EPHB1: variants seen among roughly 807,000 people sequenced by gnomAD.
EPHB1 encodes the protein ephrin type-B receptor 1.
In EPHB1, 30 loss-of-function variants were observed where a neutral mutation model predicts 94.4. The observed-to-expected ratio is 0.32, with a 90% CI of 0.24 to 0.43. EPHB1 has a LOEUF of 0.43. EPHB1 is among the 20% of genes least tolerant of loss of function. The pLI is 1.00. For missense variants in EPHB1, 1,055 were observed against 1,308.3 expected, an observed-to-expected ratio of 0.81 and a Z score of 2.99; for synonymous variants, 522 against 489.1, an observed-to-expected ratio of 1.07 and a Z score of -0.89.
At position 135,260,001 on chromosome 3, in the gene EPHB1, A is replaced by G. The variant is rs1933574785; in HGVS notation, c.*881A>G. 8.6e-6 allele frequency: 2 copies of G among 231,910 alleles called. No individual in the cohort carries two copies. Among genetic ancestry groups the G allele is most frequent in the Non-Finnish European group, 8.5e-6 (1 of 117,070 alleles). The allele number at this position is 231,910 out of a possible 1,614,324, so 14.4% of individuals were successfully genotyped here. ...GCTTTCTGGTTGGCCCAATCGGCCT[A>G]TTGGCTCAATGGGAAGAGAGGAGAG... On this transcript the variant is annotated 3_prime_UTR_variant, in exon 16 of 16. Coordinates refer to ENST00000398015, the MANE Select transcript of EPHB1 (RefSeq NM_004441.5).
At chr3:134,940,558 G>A (rs1449806579) in intron 2 of EPHB1, among the ~76,000 whole-genome samples, 2 of 152,152 alleles carry the variant, frequency 1.3e-5, no homozygotes, top group Non-Finnish European at 2.9e-5. Flanking sequence ...AATGGGCCAG[G>A]CACCTTCTTG....
chr3:135,209,861 C>T (rs1942992532), intron 12 of EPHB1, among the ~76,000 whole-genome samples: 1 of 152,138 alleles, frequency 6.6e-6, no homozygotes, highest in Non-Finnish European at 1.5e-5. Flanking sequence ...CAGGAAGATG[C>T]ATCAGGAGGC....
chr3:134,910,088 A>T (rs2038421292), intron 1 of EPHB1, among the ~76,000 whole-genome samples: 1 of 152,202 alleles, frequency 6.6e-6, no homozygotes, highest in South Asian at 2.1e-4. Context: ...ATGATTCCAT[A>T]AAATGTTTGC....
rs576217353 is a variant in EPHB1 at position 135,021,205 on chromosome 3, G to A, written c.805+69153G>A. Among the ~76,000 whole-genome samples, 111 of 152,116 alleles carry A rather than the reference G, an allele frequency of 7.3e-4. No homozygotes were observed. The South Asian group carries it at 0.014, about 19-fold the overall frequency. On this transcript the variant is annotated intron_variant, in intron 3 of 15. Transcript: ENST00000398015. ...TAGAATTATTTTGTCACATCTATCT[G>A]TCTTCTTTTTAACCATGCATTTTCC...
At chr3:135,116,641 A>T (rs1158055106) in intron 4 of EPHB1, among the ~76,000 whole-genome samples, 3 of 152,240 alleles carry the variant, frequency 2.0e-5, no homozygotes, top group African/African-American at 7.2e-5. Flanking sequence ...ATGACCACTG[A>T]CATTGTCCCA....
intron 3 of EPHB1, among the ~76,000 whole-genome samples, chr3:135,060,481 C>T (rs1325589275): frequency 6.6e-6 from 1 of 152,142 alleles, no homozygotes; most frequent in Non-Finnish European, 1.5e-5. Context: ...AATGCTACTA[C>T]AAGTATTTAT....
At chr3:135,235,365 A>G (rs975544697) in intron 12 of EPHB1, among the ~76,000 whole-genome samples, 1 of 152,226 alleles carries the variant, frequency 6.6e-6, no homozygotes, top group African/African-American at 2.4e-5. Flanking sequence ...TTTGTTAGGA[A>G]TGCAAATTCT....
chr3:135,026,495 C>G (rs1936177587), intron 3 of EPHB1, among the ~76,000 whole-genome samples: 1 of 149,048 alleles, frequency 6.7e-6, no homozygotes, highest in Non-Finnish European at 1.5e-5. Flanking sequence ...GCTTGTTTTT[C>G]TCAGGTTTGT....
chr3:135,131,905 G>T (rs1940431192), intron 4 of EPHB1, among the ~76,000 whole-genome samples: 1 of 152,136 alleles, frequency 6.6e-6, no homozygotes. Flanking sequence ...ACTGGCTTCA[G>T]TTCTTACAGA....
intron 2 of EPHB1, among the ~76,000 whole-genome samples, chr3:134,949,379 G>A (rs561278448): frequency 6.4e-4 from 98 of 152,178 alleles, no homozygotes; most frequent in Non-Finnish European, 4.4e-5. Context: ...TACAGACCTG[G>A]GCATGCAGGG....
At chr3:135,127,777 T>C (rs1940263448) in intron 4 of EPHB1, among the ~76,000 whole-genome samples, 1 of 152,180 alleles carries the variant, frequency 6.6e-6, no homozygotes, top group Non-Finnish European at 1.5e-5. Context: ...CAGGAGATTC[T>C]ATCTTAATAT....
chr3:135,106,930 C>G (rs556592875), intron 4 of EPHB1, among the ~76,000 whole-genome samples: 1 of 152,300 alleles, frequency 6.6e-6, no homozygotes, highest in East Asian at 1.9e-4. Context: ...TTATCACTTC[C>G]TCCAAGAAGT....
chr3:134,826,980 G>T (rs915699027), intron 1 of EPHB1, among the ~76,000 whole-genome samples: 1 of 152,190 alleles, frequency 6.6e-6, no homozygotes, highest in Non-Finnish European at 1.5e-5. Context: ...TCCCTGGGTG[G>T]CAGGGATCAT....
intron 1 of EPHB1, among the ~76,000 whole-genome samples, chr3:134,825,777 T>A (rs1560250764): frequency 6.6e-6 from 1 of 152,166 alleles, no homozygotes; most frequent in Non-Finnish European, 1.5e-5. Context: ...CCACCATGGT[T>A]TGGCTCATGG....
intron 3 of EPHB1, among the ~76,000 whole-genome samples, chr3:135,042,904 C>T (rs1326593283): frequency 6.6e-6 from 1 of 152,044 alleles, no homozygotes; most frequent in Non-Finnish European, 1.5e-5. Context: ...TGCAGTGGCG[C>T]AATCTCGGCT....
chr3:134,994,749 T>C (rs566706970), intron 3 of EPHB1, among the ~76,000 whole-genome samples: 1 of 152,344 alleles, frequency 6.6e-6, no homozygotes, highest in East Asian at 1.9e-4. Context: ...AAGCACTTTC[T>C]TTGTTACATT....
At chr3:135,219,215 G>A (rs1002793468) in intron 12 of EPHB1, among the ~76,000 whole-genome samples, 1 of 152,096 alleles carries the variant, frequency 6.6e-6, no homozygotes, top group Admixed American at 6.5e-5. Context: ...TGAAAGGTGT[G>A]TTAGCTCTGG....
intron 1 of EPHB1, among the ~76,000 whole-genome samples, chr3:134,924,809 G>A (rs2038757126): frequency 6.6e-6 from 1 of 152,120 alleles, no homozygotes; most frequent in Non-Finnish European, 1.5e-5. Flanking sequence ...TTTAAAAATG[G>A]CATATACTAT....
In EPHB1 at chr3:134,795,702, C is replaced by T; in HGVS notation, c.58+13C>T. On this transcript the variant is annotated intron_variant, in intron 1 of 15. Coordinates refer to ENST00000398015, the MANE Select transcript of EPHB1 (RefSeq NM_004441.5). ...GCTGCGATGGAAGGTAACGTACCCT[C>T]CACGGAGCAAGTTGGCTGCTGGTGC... 1 of 1,608,678 alleles carries T rather than the reference C, an allele frequency of 6.2e-7. No individual in the cohort carries two copies. Among genetic ancestry groups the T allele is most frequent in the Non-Finnish European group, 8.5e-7 (1 of 1,177,910 alleles).
Sources: allele counts gnomAD v4.1 joint callset (sites outside exome capture counted in the v4.1 genomes callset), GRCh38; gene constraint gnomAD v4.1.1; transcripts MANE v1.5; gene names NCBI Gene and HGNC (gene_info 2026-07-23, HGNC 2026-07-21).